The following LINC00305 variants were observed in gnomAD, a reference collection of about 807,000 sequenced individuals.
LINC00305 encodes long intergenic non-protein coding RNA 305.
chr18:64,115,049 T>A (rs905809287), intron 1 of LINC00305, among the ~76,000 whole-genome samples: 2 of 152,190 alleles, frequency 1.3e-5, no homozygotes, highest in Non-Finnish European at 2.9e-5. Context: ...CTGGGATGCT[T>A]TACTGCCACC....
At chr18:64,097,821 A>G (rs1170702124) in intron 3 of LINC00305, 1 of 454,500 alleles carries the variant, frequency 2.2e-6, no homozygotes, top group Non-Finnish European at 4.4e-6. Flanking sequence ...GTTTCATGAA[A>G]TATTGAACTT....
intron 1 of LINC00305, among the ~76,000 whole-genome samples, chr18:64,138,746 T>C (rs2051446953): frequency 6.6e-6 from 1 of 152,228 alleles, no homozygotes; most frequent in Non-Finnish European, 1.5e-5. Context: ...GCATACTTAG[T>C]ACTTAATTTC....
At chr18:64,144,803 G>A (rs1467121738) in intron 1 of LINC00305, among the ~76,000 whole-genome samples, 2 of 152,154 alleles carry the variant, frequency 1.3e-5, no homozygotes, top group Admixed American at 6.5e-5. Context: ...AGCCAGCAGC[G>A]CGGGATGTGC....
chr18:64,102,973 G>A (rs2051273703), intron 1 of LINC00305, among the ~76,000 whole-genome samples: 1 of 152,148 alleles, frequency 6.6e-6, no homozygotes, highest in Non-Finnish European at 1.5e-5. Flanking sequence ...CCATATCAGT[G>A]AGCCAGTGAT....
At chr18:64,137,908 A>C (rs1372413527) in intron 1 of LINC00305, among the ~76,000 whole-genome samples, 1 of 151,464 alleles carries the variant, frequency 6.6e-6, no homozygotes, top group Non-Finnish European at 1.5e-5. Flanking sequence ...AACCACCCCC[A>C]CCCTTTTTAG....
intron 1 of LINC00305, among the ~76,000 whole-genome samples, chr18:64,121,723 G>A (rs140362431): frequency 4.6e-4 from 70 of 152,154 alleles, no homozygotes; most frequent in Non-Finnish European, 8.2e-4. Context: ...CGGGATTGCT[G>A]GATAGAATAG....
At chr18:64,140,056 G>A (rs375938957) in intron 1 of LINC00305, among the ~76,000 whole-genome samples, 105 of 152,010 alleles carry the variant, frequency 6.9e-4, no homozygotes, top group Non-Finnish European at 1.1e-3. Context: ...CTATTCCCTC[G>A]ACTCAGGATG....
chr18:64,097,115 G>C (rs2051247979), intron 3 of LINC00305, among the ~76,000 whole-genome samples: 1 of 151,940 alleles, frequency 6.6e-6, no homozygotes, highest in Admixed American at 6.6e-5. Context: ...AGTTATGTTA[G>C]TGTAATGATA....
At chr18:64,117,943 T>A (rs978336095) in intron 1 of LINC00305, among the ~76,000 whole-genome samples, 1 of 152,188 alleles carries the variant, frequency 6.6e-6, no homozygotes, top group Non-Finnish European at 1.5e-5. Context: ...AACAAGCAAC[T>A]TCGTTTCCCT....
intron 1 of LINC00305, among the ~76,000 whole-genome samples, chr18:64,110,474 C>A (rs1250997805): frequency 6.6e-6 from 1 of 152,118 alleles, no homozygotes; most frequent in Non-Finnish European, 1.5e-5. Context: ...TTCTACTAGA[C>A]TGACAGTACT....
intron 3 of LINC00305, among the ~76,000 whole-genome samples, chr18:64,090,489 A>G (rs1188147150): frequency 6.6e-6 from 1 of 152,228 alleles, no homozygotes; most frequent in East Asian, 1.9e-4. Context: ...GATTTTTATG[A>G]TCAGGCAAAT....
intron 1 of LINC00305, among the ~76,000 whole-genome samples, chr18:64,107,115 G>A (rs910008369): frequency 7.2e-5 from 11 of 152,300 alleles, no homozygotes; most frequent in African/African-American, 2.6e-4. Flanking sequence ...CAAAATGGTG[G>A]AGCCCCATGG....
At chr18:64,134,305 C>G (rs1406932612) in intron 1 of LINC00305, among the ~76,000 whole-genome samples, 1 of 152,122 alleles carries the variant, frequency 6.6e-6, no homozygotes, top group Non-Finnish European at 1.5e-5. Context: ...TTCTTATTAG[C>G]AGGAAAACAG....
chr18:64,082,192 A>T, intron 3 of LINC00305, among the ~76,000 whole-genome samples: 1 of 152,182 alleles, frequency 6.6e-6, no homozygotes, highest in Non-Finnish European at 1.5e-5. Context: ...GTAAAACCTA[A>T]GATTGGTGCT....
intron 1 of LINC00305, among the ~76,000 whole-genome samples, chr18:64,118,020 T>C (rs1215590489): frequency 6.6e-6 from 1 of 152,152 alleles, no homozygotes; most frequent in African/African-American, 2.4e-5. Context: ...TTTCTAATAA[T>C]AAGATAGAGT....
chr18:64,081,219 C>T (rs1485027941), intron 3 of LINC00305, among the ~76,000 whole-genome samples: 1 of 152,206 alleles, frequency 6.6e-6, no homozygotes, highest in Non-Finnish European at 1.5e-5. Context: ...GGTAGATGTA[C>T]TCTGCAAATA....
chr18:64,148,187 G>A (rs534220100), intron 1 of LINC00305, among the ~76,000 whole-genome samples: 1 of 152,166 alleles, frequency 6.6e-6, no homozygotes, highest in Admixed American at 6.5e-5. Context: ...TCTCTCTTCT[G>A]AGATTCAGTT....
intron 1 of LINC00305, among the ~76,000 whole-genome samples, chr18:64,146,135 G>T (rs2051496861): frequency 6.6e-6 from 1 of 152,172 alleles, no homozygotes; most frequent in African/African-American, 2.4e-5. Flanking sequence ...TCAGCACTGA[G>T]TTAATTGTTT....
At chr18:64,103,948 A>T (rs1046980343) in intron 1 of LINC00305, 6 of 152,234 alleles carry the variant, frequency 3.9e-5, no homozygotes, top group African/African-American at 1.2e-4. Flanking sequence ...AAATATTTAC[A>T]TATGTATATG....
Sources: gnomAD v4.1 joint callset for allele counts (sites outside exome capture counted in the v4.1 genomes callset) on GRCh38, gnomAD v4.1.1 for gene constraint, MANE v1.5 for transcripts, NCBI Gene and HGNC (gene_info 2026-07-23, HGNC 2026-07-21) for gene names.